The following CAMSAP1 variants were observed in gnomAD, a reference collection of about 807,000 sequenced individuals.
CAMSAP1 encodes the protein calmodulin regulated spectrin associated protein 1, also known as calmodulin-regulated spectrin-associated protein 1.
In CAMSAP1, 58 loss-of-function variants were observed where a neutral mutation model predicts 143.5. The observed-to-expected ratio is 0.40, with a 90% confidence interval of 0.33 to 0.50. The LOEUF is 0.50. CAMSAP1 is among the 20% of genes least tolerant of loss of function. The pLI is 0.45. For missense variants in CAMSAP1, 1,969 were observed against 2,115.7 expected (o/e 0.93, Z 1.36); for synonymous variants, 945 against 859.3 (o/e 1.10, Z -1.74).
At position 135,824,901 on chromosome 9, in the gene CAMSAP1, A is replaced by G; in HGVS notation, c.1224-21T>C. 6.5e-7 allele frequency: 1 copy of G among 1,547,970 alleles called. No homozygotes were observed. Among genetic ancestry groups the G allele is most frequent in the East Asian group, 2.3e-5 (1 of 42,658 alleles). ...TCCCGCTAAATGGAAAAAGAATTAC[A>G]GGGAAAATCATTCCTTTATCAAACT... On this transcript the variant is annotated intron_variant, in intron 8 of 16. Transcript: ENST00000389532. This position sits in a 1 kb window ranked among gnomAD's most constrained non-coding sequence, Gnocchi z 4.1.
At chr9:135,895,988 GAAAC>G (rs1838436689) in intron 1 of CAMSAP1, among the ~76,000 whole-genome samples, 2 of 152,052 alleles carry the variant, frequency 1.3e-5, no homozygotes, top group South Asian at 2.1e-4. Context: ...AGAAACAGAG[GAAAC>G]AAACAGAAAA....
At chr9:135,879,394 T>C (rs994613512) in intron 3 of CAMSAP1, among the ~76,000 whole-genome samples, 3 of 151,840 alleles carry the variant, frequency 2.0e-5, no homozygotes, top group Non-Finnish European at 2.9e-5. Flanking sequence ...AAAAGAAACA[T>C]ACCCTCTTGC....
At chr9:135,857,504 G>A (rs907127437) in intron 5 of CAMSAP1, among the ~76,000 whole-genome samples, 2 of 152,160 alleles carry the variant, frequency 1.3e-5, no homozygotes, top group African/African-American at 4.8e-5. Context: ...ACACAGTTAT[G>A]TGCCACTATC....
At chr9:135,812,644 G>A (rs1296371942) in intron 16 of CAMSAP1, among the ~76,000 whole-genome samples, 1 of 152,184 alleles carries the variant, frequency 6.6e-6, no homozygotes, top group Non-Finnish European at 1.5e-5. Context: ...ACTTAAAAGG[G>A]TGAATTTTAC....
At chr9:135,899,903 G>A (rs1838566209) in intron 1 of CAMSAP1, among the ~76,000 whole-genome samples, 1 of 152,110 alleles carries the variant, frequency 6.6e-6, no homozygotes, top group Non-Finnish European at 1.5e-5. Context: ...CCTTTAGAGA[G>A]CCAGCCTCCT....
At chr9:135,861,836 C>T (rs1837203122) in intron 5 of CAMSAP1, among the ~76,000 whole-genome samples, 1 of 152,180 alleles carries the variant, frequency 6.6e-6, no homozygotes, top group Non-Finnish European at 1.5e-5. Context: ...CATGCTCCCC[C>T]AGCCCCTGTC....
At position 135,883,094 on chromosome 9, in the gene CAMSAP1, G is replaced by A. The variant is rs1838012710; in HGVS notation, c.161-16C>T. On this transcript the variant is annotated splice_polypyrimidine_tract_variant and intron_variant, in intron 1 of 16. Transcript: ENST00000389532. The stretch of plus-strand genomic sequence containing the variant: ...GGGATGTTATCTAAGACAGGGAGGG[G>A]ATGACCAGGTGAGTGCCACACACAA... 6.4e-7 allele frequency: 1 copy of A among 1,551,148 alleles called. No homozygotes were observed. The highest frequency in any genetic ancestry group is 8.7e-7 in the Non-Finnish European group (1 of 1,146,712).
intron 5 of CAMSAP1, among the ~76,000 whole-genome samples, chr9:135,855,007 T>C (rs555392985): frequency 6.6e-6 from 1 of 152,226 alleles, no homozygotes; most frequent in East Asian, 1.9e-4. Context: ...ACTTTTTTTT[T>C]TTGAGATGGA....
chr9:135,857,023 G>T (rs1837003204), intron 5 of CAMSAP1, among the ~76,000 whole-genome samples: 1 of 152,174 alleles, frequency 6.6e-6, no homozygotes, highest in Admixed American at 6.5e-5. Flanking sequence ...GGAATCTGGT[G>T]TCATTGGGGC....
At chr9:135,831,911 C>A (rs1835873819) in intron 7 of CAMSAP1, among the ~76,000 whole-genome samples, 1 of 152,030 alleles carries the variant, frequency 6.6e-6, no homozygotes, top group African/African-American at 2.4e-5. Flanking sequence ...ATATCTAAAG[C>A]CTAAACAGAC....
At position 135,882,951 on chromosome 9, in the gene CAMSAP1, C is replaced by G. The variant is rs1398631836; in HGVS notation, c.288G>C (p.Leu96=). 5 of 1,551,768 alleles carry G rather than the reference C, an allele frequency of 3.2e-6. No individual in the cohort carries two copies. Among genetic ancestry groups the G allele is most frequent in the Non-Finnish European group, 4.4e-6 (5 of 1,147,012 alleles). ...GTAAGGCGGCCACCTGGTCCCCTTT[C>G]AGGATGAGGCTGCAGACACGGCAGT... is the stretch of plus-strand genomic sequence containing the variant. ...ELYCRVCSLI[L]KGDQVAALQG... is the part of the protein sequence containing the mutation. Residue 96 remains leucine (L), a synonymous_variant, in exon 2 of 17, where the codon CTG becomes CTC. Transcript: ENST00000389532. The surrounding 1 kb of genome is among the most constrained non-coding windows in gnomAD (Gnocchi z 4.9).
chr9:135,869,109 T>C (rs1246940922), intron 3 of CAMSAP1, among the ~76,000 whole-genome samples: 1 of 152,046 alleles, frequency 6.6e-6, no homozygotes, highest in African/African-American at 2.4e-5. Context: ...TAACAGAGTA[T>C]AAAAACTCAC....
At chr9:135,837,377 G>A (rs962057303) in intron 7 of CAMSAP1, among the ~76,000 whole-genome samples, 48 of 118,444 alleles carry the variant, frequency 4.1e-4, no homozygotes, top group Non-Finnish European at 6.4e-4. Context: ...CTACAGACAC[G>A]TCATCACGCA....
At chr9:135,896,365 AACT>A (rs1310094734) in intron 1 of CAMSAP1, among the ~76,000 whole-genome samples, 2 of 152,248 alleles carry the variant, frequency 1.3e-5, no homozygotes, top group African/African-American at 2.4e-5. Flanking sequence ...CCACGCACCA[AACT>A]ATAAAGCCTC....
At position 135,818,897 on chromosome 9, in the gene CAMSAP1, G is replaced by C; in HGVS notation, c.3959+113C>G. 1 of 1,469,902 alleles carries C rather than the reference G, an allele frequency of 6.8e-7. No homozygotes were observed. Among genetic ancestry groups the C allele is most frequent in the South Asian group, 1.2e-5 (1 of 80,394 alleles). 91.1% of individuals were successfully genotyped at this position (1,469,902 alleles called of 1,614,324 possible). A position where few individuals can be genotyped will look rare whatever the true frequency, so the allele number is the denominator to read the frequency against. The stretch of plus-strand genomic sequence containing the variant: ...GGTGGTCCATGGGAGGAGTAAGACC[G>C]TCACAGGCACTCATTGCCATGGTCC... On this transcript the variant is annotated intron_variant, in intron 12 of 16. Coordinates refer to ENST00000389532, the MANE Select transcript of CAMSAP1 (RefSeq NM_015447.4). This position sits in a 1 kb window ranked among gnomAD's most constrained non-coding sequence, Gnocchi z 7.7.
intron 7 of CAMSAP1, among the ~76,000 whole-genome samples, chr9:135,846,551 C>A (rs1311079288): frequency 1.3e-5 from 2 of 152,002 alleles, no homozygotes; most frequent in African/African-American, 2.4e-5. Flanking sequence ...AAATAAAGAG[C>A]TTCTGCACAG....
rs2131638591 is a variant in CAMSAP1 at position 135,815,106 on chromosome 9, G to A, written c.4497C>T (p.Ser1499=). Residue 1499 remains serine (S), a synonymous_variant, in exon 16 of 17, where the codon TCC becomes TCT. Transcript: ENST00000389532. ...GAAACATGATACTTGCCTCCAATAT[G>A]GAATTCTTGTGGGGTTCGTTCACTT... ...AGKVNEPHKN[S]ILEELEKCDA... The A allele has an allele frequency of 6.2e-7, 1 of 1,608,322 alleles. No individual in the cohort carries two copies. Among genetic ancestry groups the A allele is most frequent in the East Asian group, 2.2e-5 (1 of 44,848 alleles).
chr9:135,862,799 C>T (rs758747553), intron 4 of CAMSAP1, among the ~76,000 whole-genome samples, 191 bp from the exon 5 acceptor site: 16 of 152,084 alleles, frequency 1.1e-4, no homozygotes, highest in Non-Finnish European at 1.8e-4. Flanking sequence ...TGTCAAGATC[C>T]AAGGAGCTGG....
At chr9:135,831,556 C>T (rs111398864) in intron 7 of CAMSAP1, among the ~76,000 whole-genome samples, 2,186 of 150,772 alleles carry the variant, frequency 0.014, 57 homozygotes, top group African/African-American at 0.049. Flanking sequence ...AACAACCTAA[C>T]TTCACACCTC....
Sources: gnomAD v4.1 joint callset for allele counts (sites outside exome capture counted in the v4.1 genomes callset) on GRCh38, gnomAD v4.1.1 for gene constraint, Gnocchi (gnomAD v3.1) non-coding constraint, MANE v1.5 for transcripts, NCBI Gene and HGNC (gene_info 2026-07-23, HGNC 2026-07-21) for gene names.